The following VPS33B variants were observed in gnomAD, a reference collection of about 807,000 sequenced individuals.
VPS33B encodes the protein VPS33B late endosome and lysosome associated.
Under a neutral mutation model 95.3 loss-of-function variants are expected in VPS33B, and 80 were observed. The ratio of observed to expected loss-of-function variants is 0.84; its 90% CI spans 0.70 to 1.01. The LOEUF is 1.01. Among genes scored for constraint, VPS33B ranks in the 50% least tolerant of loss-of-function variants. The pLI is 0.00. For synonymous variants in VPS33B, 280 were observed against 280.4 expected, an observed-to-expected ratio of 1.00 and a Z score of 0.01; for missense variants, 715 against 773.4, an observed-to-expected ratio of 0.92 and a Z score of 0.90.
At chr15:91,021,963 T>C (rs1438132080) in intron 1 of VPS33B, among the ~76,000 whole-genome samples, 191 bp downstream of exon 1, 1 of 152,110 alleles carries the variant, frequency 6.6e-6, no homozygotes, top group East Asian at 1.9e-4. Context: ...TGGGGGGTGA[T>C]TTCCATTAAC....
rs2040417463 is a variant in VPS33B at position 91,000,913 on chromosome 15, G to T, written c.1480-322C>A. The T allele has an allele frequency of 2.5e-6, 1 of 400,160 alleles. No homozygotes were observed. The highest frequency in any genetic ancestry group is 3.8e-5 in the Admixed American group (1 of 26,468). 24.8% of individuals were successfully genotyped at this position (400,160 alleles called of 1,614,324 possible). On this transcript the variant is annotated intron_variant, in intron 19 of 22. Coordinates refer to ENST00000333371, the MANE Select transcript of VPS33B (RefSeq NM_018668.5). The surrounding 1 kb of genome is among the most constrained non-coding windows in gnomAD (Gnocchi z 4.9). ...TTAGAATATTCTCTGGCATTGGCAG[G>T]TGCTTGTTACATGTTGATTAAATGA...
At chr15:91,004,470 C>G (rs1226710353) in intron 16 of VPS33B, among the ~76,000 whole-genome samples, 1 of 152,148 alleles carries the variant, frequency 6.6e-6, no homozygotes, top group Non-Finnish European at 1.5e-5. Flanking sequence ...CACCACTGTA[C>G]TCCAGCATGG....
In VPS33B at chr15:91,005,606, G is replaced by T; in HGVS notation, c.1030+88C>A. 6.3e-7 allele frequency: 1 copy of T among 1,578,824 alleles called. No individual in the cohort carries two copies. The highest frequency in any genetic ancestry group is 2.2e-5 in the East Asian group (1 of 44,694). On this transcript the variant is annotated intron_variant, in intron 13 of 22. Coordinates refer to ENST00000333371, the MANE Select transcript of VPS33B (RefSeq NM_018668.5). The surrounding 1 kb of genome is among the most constrained non-coding windows in gnomAD (Gnocchi z 6.4). ...AGACCATATGCATCAGATGAACAGG[G>T]ATCTCCTCCTCGGGAGTAATGGTCC... is the stretch of plus-strand genomic sequence containing the variant.
rs562615154 is a variant in VPS33B, at chr15:91,005,318, C to T, written c.1105+62G>A. 82 of 1,326,752 alleles carry T rather than the reference C, an allele frequency of 6.2e-5. No individual in the cohort carries two copies. The highest frequency in any genetic ancestry group is 7.0e-5 in the South Asian group (6 of 85,302). 82.2% of individuals were successfully genotyped at this position (1,326,752 alleles called of 1,614,324 possible). A position where few individuals can be genotyped will look rare whatever the true frequency, so the allele number is the denominator to read the frequency against. On this transcript the variant is annotated intron_variant, in intron 14 of 22. Transcript: ENST00000333371. This position sits in a 1 kb window ranked among gnomAD's most constrained non-coding sequence, Gnocchi z 6.4. ...CAGAGAACATCTTTTAAGGGTGGGA[C>T]GGGGCTGGGAGCTGGGGAAGTAGAA...
chr15:91,007,279 T>C lies in VPS33B; in HGVS notation c.603+190A>G, dbSNP rs1365328908. ...AAAATAAAAAGAGATTTAGGAATGC[T>C]ACCCAGGAGATCCTGGCTTTTGCTT... is the stretch of plus-strand genomic sequence containing the variant. On this transcript the variant is annotated intron_variant, in intron 8 of 22. Transcript: ENST00000333371. The surrounding 1 kb of genome is among the most constrained non-coding windows in gnomAD (Gnocchi z 5.3). Among the ~76,000 whole-genome samples the C allele has an allele frequency of 1.3e-5, 2 of 152,392 alleles. No homozygotes were observed. The highest frequency in any genetic ancestry group is 3.9e-4 in the East Asian group (2 of 5,194).
chr15:91,003,042 C>G (rs2040488313), intron 17 of VPS33B, 43 bp downstream of exon 17: 2 of 1,608,806 alleles, frequency 1.2e-6, no homozygotes, highest in Non-Finnish European at 1.7e-6. Context: ...CCAATAACTG[C>G]CCTCCATCAA....
At position 91,004,916 on chromosome 15, in the gene VPS33B, T is replaced by C. The variant is rs767703690; in HGVS notation, c.1186A>G (p.Ser396Gly). ...GACAAAAGGCACATGAGGCGCAGGCTTTCTATAGGCGACACCTGCATAGGA... is the reference window on the plus strand; with the variant it reads ...GACAAAAGGCACATGAGGCGCAGGCCTTCTATAGGCGACACCTGCATAGGA... ...HIDRQVSPIESLRLMCLLSIT... is the reference protein window; with the variant it reads ...HIDRQVSPIEGLRLMCLLSIT... Residue 396 changes from serine to glycine, a missense_variant, in exon 16 of 23, where the codon AGC (serine) becomes GGC (glycine). Coordinates refer to ENST00000333371, the MANE Select transcript of VPS33B (RefSeq NM_018668.5). 6.2e-7 allele frequency: 1 copy of C among 1,614,220 alleles called. No homozygotes were observed. Among genetic ancestry groups the C allele is most frequent in the East Asian group, 2.2e-5 (1 of 44,890 alleles).
rs113600351 is a variant in VPS33B at position 91,002,874 on chromosome 15, C to T, written c.1272+211G>A. ...GAAATGTTTAATTCTCAGCACTGGC[C>T]ATGCGCCGTCAGTGTGTGGGGTGAA... On this transcript the variant is annotated intron_variant, in intron 17 of 22. Transcript: ENST00000333371. The surrounding 1 kb of genome is among the most constrained non-coding windows in gnomAD (Gnocchi z 4.7). Among the ~76,000 whole-genome samples the T allele has an allele frequency of 5.0e-3, 755 of 152,136 alleles. 7 individuals are homozygous for T. Among genetic ancestry groups the T allele is most frequent in the African/African-American group, 0.017 (713 of 41,514 alleles).
chr15:91,006,819 GC>G lies in VPS33B; in HGVS notation c.701-91del, dbSNP rs1446814036. 1.3e-6 allele frequency: 2 copies of G among 1,586,738 alleles called. No individual in the cohort carries two copies. Among genetic ancestry groups the G allele is most frequent in the Non-Finnish European group, 1.7e-6 (2 of 1,155,776 alleles). ...GGGCAGCTTTGATACTTTCCATAGG[GC>G]CAAGGACCCACGCTCCTCAAAGCTG... On this transcript the variant is annotated intron_variant, in intron 9 of 22. Transcript: ENST00000333371. The surrounding 1 kb of genome is among the most constrained non-coding windows in gnomAD (Gnocchi z 5.4).
rs2040759459 is a variant in VPS33B at position 91,010,843 on chromosome 15, T to G, written c.358-997A>C. 6.6e-6 allele frequency among the ~76,000 whole-genome samples: 1 copy of G among 151,858 alleles called. No homozygotes were observed. Among genetic ancestry groups the G allele is most frequent in the Non-Finnish European group, 1.5e-5 (1 of 67,974 alleles). On this transcript the variant is annotated intron_variant, in intron 5 of 22. Coordinates refer to ENST00000333371, the MANE Select transcript of VPS33B (RefSeq NM_018668.5). This position sits in a 1 kb window ranked among gnomAD's most constrained non-coding sequence, Gnocchi z 5.7. ...CAAATGCCAGGGAAGTTAAGTAGGA[T>G]TAACATTAAATAGACACCAGTGGAT...
chr15:91,007,596 A>G lies in VPS33B; in HGVS notation c.499-23T>C, dbSNP rs2040651965. On this transcript the variant is annotated intron_variant, in intron 7 of 22. Coordinates refer to ENST00000333371, the MANE Select transcript of VPS33B (RefSeq NM_018668.5). The surrounding 1 kb of genome is among the most constrained non-coding windows in gnomAD (Gnocchi z 5.3). ...TTCCTGCAGGGACCACACAAGCCAC[A>G]AAGATATGAATCAACCCAGTAGGAC... The G allele has an allele frequency of 6.2e-7, 1 of 1,612,462 alleles. No homozygotes were observed. The highest frequency in any genetic ancestry group is 1.3e-5 in the African/African-American group (1 of 74,870).
In VPS33B at chr15:91,015,227, G is replaced by A. The variant is rs7183740; in HGVS notation, c.240-794C>T. ...GGCGCATGTCTGTAATCCCAGCTAC[G>A]CAGGAGGCTGAGGCAGGAGAATCGC... On this transcript the variant is annotated intron_variant, in intron 3 of 22. Coordinates refer to ENST00000333371, the MANE Select transcript of VPS33B (RefSeq NM_018668.5). The surrounding 1 kb of genome is among the most constrained non-coding windows in gnomAD (Gnocchi z 4.7). 0.17 allele frequency among the ~76,000 whole-genome samples: 26,419 copies of A among 151,402 alleles called. 2,821 individuals carry two copies. Among genetic ancestry groups the A allele is most frequent in the East Asian group, 0.52 (2,657 of 5,140 alleles).
In VPS33B at chr15:91,005,892, T is replaced by C; in HGVS notation, c.939+81A>G. The C allele has an allele frequency of 1.9e-6, 3 of 1,603,884 alleles. No homozygotes were observed. The highest frequency in any genetic ancestry group is 2.6e-6 in the Non-Finnish European group (3 of 1,172,036). On this transcript the variant is annotated intron_variant, in intron 12 of 22. Transcript: ENST00000333371. The surrounding 1 kb of genome is among the most constrained non-coding windows in gnomAD (Gnocchi z 6.4). Reference sequence around the variant, plus strand: ...AGAAAGGACAGGGAACCTGTCATAGTATTAGAAGGGGAGCCCAAGGGCAGC... The same window carrying C: ...AGAAAGGACAGGGAACCTGTCATAGCATTAGAAGGGGAGCCCAAGGGCAGC...
Position 91,007,321 on chromosome 15 carries a change from A to C in VPS33B, c.603+148T>G. ...CTTTTGCTTCTCTGTTAGCCACACA[A>C]GTTCTCCTCTCTGAGGATCTATTCC... On this transcript the variant is annotated intron_variant, in intron 8 of 22. Coordinates refer to ENST00000333371, the MANE Select transcript of VPS33B (RefSeq NM_018668.5). This position sits in a 1 kb window ranked among gnomAD's most constrained non-coding sequence, Gnocchi z 5.3. 2 of 860,692 alleles carry C rather than the reference A, an allele frequency of 2.3e-6. No individual in the cohort carries two copies. Among genetic ancestry groups the C allele is most frequent in the Non-Finnish European group, 3.8e-6 (2 of 528,364 alleles). 53.3% of individuals were successfully genotyped at this position (860,692 alleles called of 1,614,324 possible).
intron 19 of VPS33B, chr15:91,001,003 G>A (rs115701083): frequency 0.017 from 5,684 of 343,960 alleles, 300 homozygotes; most frequent in African/African-American, 0.11. Flanking sequence ...ATGACAAAAA[G>A]GTTTTTGTGG....
chr15:91,014,351 C>T, intron 4 of VPS33B, 33 bp downstream of exon 4: 1 of 1,613,666 alleles, frequency 6.2e-7, no homozygotes, highest in South Asian at 1.1e-5. Flanking sequence ...CCGCCCTTTC[C>T]CACAGTTACA....
Position 91,017,868 on chromosome 15 carries a change from A to C in VPS33B, c.114T>G (p.Asp38Glu). Residue 38 changes from aspartate (D) to glutamate (E), a missense_variant, in exon 2 of 23, where the codon GAT becomes GAG. Coordinates refer to ENST00000333371, the MANE Select transcript of VPS33B (RefSeq NM_018668.5). ...TCATGAGATCTGCCTCAATGAATAAATCCTTTTTTCCAGGAAGCTGAAGGA... is the reference window on the plus strand; with the variant it reads ...TCATGAGATCTGCCTCAATGAATAACTCCTTTTTTCCAGGAAGCTGAAGGA... ...YLLEQLPGKKDLFIEADLMSP... is the reference protein window; with the variant it reads ...YLLEQLPGKKELFIEADLMSP... 1 of 1,614,098 alleles carries C rather than the reference A, an allele frequency of 6.2e-7. No homozygotes were observed. The highest frequency in any genetic ancestry group is 8.5e-7 in the Non-Finnish European group (1 of 1,179,972).
In VPS33B at chr15:91,017,864, A is replaced by G; in HGVS notation, c.118T>C (p.Phe40Leu). The part of the protein sequence containing the change: ...LEQLPGKKDL[F>L]IEADLMSPLD... ...GGGCTCATGAGATCTGCCTCAATGA[A>G]TAAATCCTTTTTTCCAGGAAGCTGA... The change falls in exon 2 of 23, where the codon TTC (phenylalanine) becomes CTC (leucine). Residue 40 changes from phenylalanine (F) to leucine (L), a missense_variant. Phe to Leu is a conservative substitution (Grantham distance 22, BLOSUM62 0). Transcript: ENST00000333371. 1 of 1,614,138 alleles carries G rather than the reference A, an allele frequency of 6.2e-7. No individual in the cohort carries two copies. Among genetic ancestry groups the G allele is most frequent in the Non-Finnish European group, 8.5e-7 (1 of 1,179,986 alleles).
In VPS33B at chr15:91,007,397, G is replaced by C. The variant is rs1365998429; in HGVS notation, c.603+72C>G. 1.4e-6 allele frequency: 2 copies of C among 1,424,770 alleles called. No homozygotes were observed. The highest frequency in any genetic ancestry group is 2.0e-6 in the Non-Finnish European group (2 of 1,007,976). 88.3% of individuals were successfully genotyped at this position (1,424,770 alleles called of 1,614,324 possible). On this transcript the variant is annotated intron_variant, in intron 8 of 22. Transcript: ENST00000333371. This position sits in a 1 kb window ranked among gnomAD's most constrained non-coding sequence, Gnocchi z 5.3. ...TACACCTCATATCACAGGTGCCCTT[G>C]GATAACCCCAGGAGGGTACAGAACA...
Sources: allele counts gnomAD v4.1 joint callset (sites outside exome capture counted in the v4.1 genomes callset), GRCh38; gene constraint gnomAD v4.1.1; non-coding constraint Gnocchi (gnomAD v3.1); transcripts MANE v1.5; gene names NCBI Gene and HGNC (gene_info 2026-07-23, HGNC 2026-07-21).